Variants in CFHR5 observed in about 807,000 individuals in gnomAD.
CFHR5 encodes complement factor H related 5.
Under a neutral mutation model 62.9 loss-of-function variants are expected in CFHR5, and 73 were observed. The ratio of observed to expected loss-of-function variants is 1.16; its 90% CI spans 0.96 to 1.41. CFHR5 has a LOEUF of 1.41. Among genes scored for constraint, CFHR5 ranks in the 40% most tolerant of loss-of-function variants. CFHR5 has a pLI of 0.00. For missense variants in CFHR5, 779 were observed against 679.9 expected (o/e 1.15, Z -1.62); for synonymous variants, 249 against 227.2 (o/e 1.10, Z -0.86).
At chr1:196,976,799 CTTTTTTTTTT>C (rs10588279), upstream of CFHR5, among the ~76,000 whole-genome samples, 49 of 98,142 alleles carry the variant, frequency 5.0e-4, no homozygotes, top group African/African-American at 1.9e-3. Context: ...AAAAATTATT[CTTTTTTTTTT>C]TTTTTTTTTT....
chr1:196,996,461 T>C (rs77622037), intron 6 of CFHR5, among the ~76,000 whole-genome samples: 2,053 of 152,278 alleles, frequency 0.013, 43 homozygotes, highest in African/African-American at 0.045. Flanking sequence ...CTTTTATTAA[T>C]GTATATGCTT....
At chr1:196,992,575 T>C (rs922511563) in intron 3 of CFHR5, among the ~76,000 whole-genome samples, 1 of 152,242 alleles carries the variant, frequency 6.6e-6, no homozygotes, top group East Asian at 1.9e-4. Flanking sequence ...GATACCTCAG[T>C]TGGAAATGTA....
chr1:196,992,720 C>A (rs1653880074), intron 3 of CFHR5, among the ~76,000 whole-genome samples: 1 of 152,052 alleles, frequency 6.6e-6, no homozygotes, highest in Non-Finnish European at 1.5e-5. Context: ...TAAAAAAAGA[C>A]TATAAACAAC....
chr1:196,977,252 T>C (rs903695494), upstream of CFHR5, among the ~76,000 whole-genome samples: 31 of 151,568 alleles, frequency 2.0e-4, no homozygotes, highest in African/African-American at 7.3e-4. Flanking sequence ...ACTGATGACT[T>C]GCACTTGCTT....
intron 7 of CFHR5, 152 bp from the exon 8 acceptor site, chr1:197,002,330 A>G: frequency 1.8e-6 from 1 of 561,950 alleles, no homozygotes; most frequent in East Asian, 3.0e-5. Flanking sequence ...TGTTATTATA[A>G]CATTTATATA....
chr1:196,979,372 T>C (rs1356881848), intron 1 of CFHR5, among the ~76,000 whole-genome samples: 1 of 151,764 alleles, frequency 6.6e-6, no homozygotes, highest in Non-Finnish European at 1.5e-5. Context: ...CATCATAGAG[T>C]GTACTTACAC....
chr1:196,993,558 A>G (rs1244619647), intron 3 of CFHR5, among the ~76,000 whole-genome samples: 10 of 152,142 alleles, frequency 6.6e-5, no homozygotes, highest in Admixed American at 6.6e-4. Context: ...TGGCCTCCCA[A>G]AGTGCTGGGA....
At chr1:196,984,451 T>G (rs758224886) in intron 3 of CFHR5, among the ~76,000 whole-genome samples, 8 of 152,208 alleles carry the variant, frequency 5.3e-5, no homozygotes, top group Non-Finnish European at 1.2e-4. Flanking sequence ...GGTATTAAAG[T>G]GCAAATTAGT....
chr1:197,003,591 T>C (rs1251679079), intron 8 of CFHR5, among the ~76,000 whole-genome samples: 2 of 152,198 alleles, frequency 1.3e-5, no homozygotes, highest in African/African-American at 2.4e-5. Flanking sequence ...CTGGACAAGA[T>C]GCCTGATAAT....
At chr1:197,002,071 G>A (rs1654168104) in intron 7 of CFHR5, among the ~76,000 whole-genome samples, 1 of 151,924 alleles carries the variant, frequency 6.6e-6, no homozygotes, top group South Asian at 2.1e-4. Context: ...AGTTATTAGG[G>A]GAAGTCATAG....
At chr1:196,975,236 T>G (rs1653369568), upstream of CFHR5, among the ~76,000 whole-genome samples, 5 of 152,140 alleles carry the variant, frequency 3.3e-5, no homozygotes, top group Admixed American at 3.3e-4. Flanking sequence ...AGCGTAGTGT[T>G]GGGAATGAAA....
At chr1:196,999,591 A>G (rs1421799436) in intron 7 of CFHR5, among the ~76,000 whole-genome samples, 1 of 150,052 alleles carries the variant, frequency 6.7e-6, no homozygotes, top group African/African-American at 2.4e-5. Context: ...TATAATTACA[A>G]GGATACGTAG....
chr1:197,006,710 CA>C (rs199587226), intron 9 of CFHR5, among the ~76,000 whole-genome samples: 84,404 of 141,748 alleles, frequency 0.6, 26,079 homozygotes, highest in East Asian at 0.82. Flanking sequence ...GAAACTCCGT[CA>C]AAAAAAAAAA....
At chr1:196,976,468 T>C (rs896065125), upstream of CFHR5, among the ~76,000 whole-genome samples, 2 of 152,102 alleles carry the variant, frequency 1.3e-5, no homozygotes, top group African/African-American at 2.4e-5. Flanking sequence ...CCAGTCCACA[T>C]AGCCTGCCTG....
At chr1:196,994,059 T>C in intron 3 of CFHR5, 21 bp from the exon 4 acceptor site, 1 of 1,586,128 alleles carries the variant, frequency 6.3e-7, no homozygotes, top group Non-Finnish European at 8.7e-7. Context: ...TTCACATATG[T>C]TCATTTAATT....
At chr1:196,981,137 G>T (rs949816783) in intron 1 of CFHR5, among the ~76,000 whole-genome samples, 3 of 152,054 alleles carry the variant, frequency 2.0e-5, no homozygotes, top group Admixed American at 2.0e-4. Flanking sequence ...AATTTCCCTT[G>T]ATTTGTCAGC....
At chr1:196,984,406 T>C (rs1243174671) in intron 3 of CFHR5, among the ~76,000 whole-genome samples, 1 of 152,212 alleles carries the variant, frequency 6.6e-6, no homozygotes, top group Non-Finnish European at 1.5e-5. Context: ...GTTTATATTG[T>C]CAGGTTAGTT....
chr1:196,982,740 A>G lies in CFHR5; in HGVS notation c.59-145A>G, dbSNP rs76216631. On this transcript the variant is annotated intron_variant, in intron 1 of 9. Transcript: ENST00000256785. ...TATTTAGGGATCTTTCTTCATTCCA[A>G]ATTAGTACACTGGAAAGCATTTAAG... 4,048 of 721,134 alleles carry G rather than the reference A, an allele frequency of 5.6e-3. 126 individuals carry two copies. In the African/African-American group the frequency reaches 0.064, roughly 11 times the overall value. 44.7% of individuals were successfully genotyped at this position (721,134 alleles called of 1,614,324 possible). A position where few individuals can be genotyped will look rare whatever the true frequency, so the allele number is the denominator to read the frequency against.
Position 197,008,480 on chromosome 1 carries a change from C to T in CFHR5, c.1514-7C>T, listed in dbSNP as rs749571866. The T allele has an allele frequency of 3.3e-6, 5 of 1,525,572 alleles. No homozygotes were observed. In the African/African-American group the frequency reaches 6.9e-5, roughly 21 times the overall value. 94.5% of individuals were successfully genotyped at this position (1,525,572 alleles called of 1,614,324 possible). On this transcript the variant is annotated splice_region_variant and splice_polypyrimidine_tract_variant and intron_variant, in intron 9 of 9. Coordinates refer to ENST00000256785, the MANE Select transcript of CFHR5 (RefSeq NM_030787.4). ...TATTTATTTTATTTTACCATTTCTT[C>T]TTTCAGATCCATGTGTGGTATCTGA... is the stretch of plus-strand genomic sequence containing the variant.
Sources: gnomAD v4.1 joint callset for allele counts (sites outside exome capture counted in the v4.1 genomes callset) on GRCh38, gnomAD v4.1.1 for gene constraint, MANE v1.5 for transcripts, NCBI Gene and HGNC (gene_info 2026-07-23, HGNC 2026-07-21) for gene names.